LAMC2: variants seen among roughly 807,000 people sequenced by gnomAD.
The protein encoded by LAMC2 is laminin subunit gamma-2.
A neutral mutation model predicts 140.2 loss-of-function variants in LAMC2; 97 were observed. The ratio of observed to expected loss-of-function variants is 0.69; its 90% CI spans 0.59 to 0.82. The LOEUF (loss-of-function observed/expected upper bound fraction) is 0.82. Ranked by LOEUF, LAMC2 falls within the 40% of genes least tolerant of loss-of-function variation. The pLI is 0.00. For synonymous variants in LAMC2, 513 were observed against 540.2 expected (o/e 0.95, Z 0.70); for missense variants, 1,402 against 1,476.1 (o/e 0.95, Z 0.82).
chr1:183,211,196 C>T (rs1659058015), intron 2 of LAMC2, among the ~76,000 whole-genome samples: 1 of 152,220 alleles, frequency 6.6e-6, no homozygotes, highest in Non-Finnish European at 1.5e-5. Context: ...AGCAACAGGG[C>T]TGAGTTACCT....
chr1:183,219,890 G>A (rs549334764), intron 4 of LAMC2, among the ~76,000 whole-genome samples: 47 of 152,244 alleles, frequency 3.1e-4, no homozygotes, highest in Admixed American at 5.2e-4. Context: ...TCTTGCCTCA[G>A]CCATGTACCT....
Position 183,237,450 on chromosome 1 carries a change from A to G in LAMC2, c.2700A>G (p.Gly900=). Residue 900 remains glycine (G), a synonymous_variant, in exon 18 of 23, where the codon GGA becomes GGG. Coordinates refer to ENST00000264144, the MANE Select transcript of LAMC2 (RefSeq NM_005562.3). The stretch of plus-strand genomic sequence containing the variant: ...TCAAGCGTACACAGAAGAATCTGGG[A>G]AACTGGAAAGAAGAAGCACAGCAGC... ...DEFKRTQKNL[G]NWKEEAQQLL... 2.5e-6 allele frequency: 4 copies of G among 1,614,222 alleles called. No homozygotes were observed. Among genetic ancestry groups the G allele is most frequent in the Non-Finnish European group, 3.4e-6 (4 of 1,180,018 alleles).
chr1:183,193,764 G>T (rs1658421198), intron 1 of LAMC2, among the ~76,000 whole-genome samples: 1 of 150,728 alleles, frequency 6.6e-6, no homozygotes, highest in African/African-American at 2.4e-5. Flanking sequence ...ACCTGGCATA[G>T]GAAGTAGTAG....
At chr1:183,190,299 A>G (rs1658290205) in intron 1 of LAMC2, among the ~76,000 whole-genome samples, 1 of 152,166 alleles carries the variant, frequency 6.6e-6, no homozygotes, top group Non-Finnish European at 1.5e-5. Context: ...TGAATTTGGT[A>G]TATTGCTTTC....
rs1354088825 is a variant in LAMC2, at chr1:183,239,486, G to A, written c.2992G>A (p.Gly998Arg). ...GACCCAGCAAGCAGAAAGAGCCCTG[G>A]GGAGCGCTGCTGCTGATGCACAGAG... is the stretch of plus-strand genomic sequence containing the variant. The part of the protein sequence containing the change: ...DKTQQAERAL[G>R]SAAADAQRAK... Residue 998 changes from glycine to arginine, a missense_variant, in exon 20 of 23, where the codon GGG (glycine) becomes AGG (arginine). Physicochemically the swap from Gly to Arg is moderately radical, Grantham distance 125. This residue lies in a region of LAMC2 where 670 missense variants were observed against 667.2 expected (regional missense o/e 1.00). Coordinates refer to ENST00000264144, the MANE Select transcript of LAMC2 (RefSeq NM_005562.3). 3.7e-6 allele frequency: 6 copies of A among 1,613,920 alleles called. No individual in the cohort carries two copies. The African/African-American group carries it at 4.0e-5, about 11-fold the overall frequency.
intron 19 of LAMC2, 121 bp downstream of exon 19, chr1:183,238,542 G>C: frequency 1.5e-6 from 1 of 685,646 alleles, no homozygotes; most frequent in Non-Finnish European, 2.6e-6. Context: ...TAGATCCTTA[G>C]TAAATATCTT....
At position 183,216,310 on chromosome 1, in the gene LAMC2, T is replaced by C. The variant is rs625597; in HGVS notation, c.404+722T>C. Among the ~76,000 whole-genome samples, 394 of 152,344 alleles carry C rather than the reference T, an allele frequency of 2.6e-3. 1 individual carries two copies. Among genetic ancestry groups the C allele is most frequent in the Non-Finnish European group, 4.7e-3 (322 of 68,028 alleles). ...GCATTTGTTCTGGTCCGGCCTTCCCTGACCCTTTCAGATGGTCTTCAGAGA... is the reference window on the plus strand; with the variant it reads ...GCATTTGTTCTGGTCCGGCCTTCCCCGACCCTTTCAGATGGTCTTCAGAGA... On this transcript the variant is annotated intron_variant, in intron 3 of 22. Coordinates refer to ENST00000264144, the MANE Select transcript of LAMC2 (RefSeq NM_005562.3).
chr1:183,186,302 C>G lies in LAMC2; in HGVS notation c.-51C>G, dbSNP rs930452350. On this transcript the variant is annotated 5_prime_UTR_variant, in exon 1 of 23. Transcript: ENST00000264144. ...GAGTGAGAACCACCAACCGAGGCGC[C>G]GGGCAGCGACCCCTGCAGCGGAGAC... The G allele has an allele frequency of 3.9e-6, 6 of 1,548,574 alleles. No homozygotes were observed. The highest frequency in any genetic ancestry group is 2.3e-5 in the East Asian group (1 of 42,898).
At chr1:183,201,440 C>A (rs968439431) in intron 1 of LAMC2, among the ~76,000 whole-genome samples, 5 of 152,154 alleles carry the variant, frequency 3.3e-5, no homozygotes, top group Non-Finnish European at 7.3e-5. Flanking sequence ...CTTGCTCTTT[C>A]CTTTGTCAGG....
In LAMC2 at chr1:183,215,436, T is replaced by C. The variant is rs368269117; in HGVS notation, c.269-17T>C. ...TTTCTTCTTCTTCTTTCCTTTCCCC[T>C]ACCTTGTGGGTTTCAGGTTCTCTTA... is the stretch of plus-strand genomic sequence containing the variant. On this transcript the variant is annotated splice_polypyrimidine_tract_variant and intron_variant, in intron 2 of 22. Transcript: ENST00000264144. 1.1e-5 allele frequency: 18 copies of C among 1,613,962 alleles called. No homozygotes were observed. In the Admixed American group the frequency reaches 1.2e-4, roughly 10 times the overall value.
intron 1 of LAMC2, among the ~76,000 whole-genome samples, chr1:183,197,822 T>C (rs942288033): frequency 2.0e-5 from 3 of 152,206 alleles, no homozygotes; most frequent in Admixed American, 6.5e-5. Flanking sequence ...GAAGTCCTTG[T>C]CATGGATGAG....
In LAMC2 at chr1:183,240,308, A is replaced by G; in HGVS notation, c.3245A>G (p.Gln1082Arg). 6.2e-7 allele frequency: 1 copy of G among 1,614,240 alleles called. No individual in the cohort carries two copies. Among genetic ancestry groups the G allele is most frequent in the Non-Finnish European group, 8.5e-7 (1 of 1,180,030 alleles). Residue 1082 changes from glutamine to arginine, a missense_variant, in exon 22 of 23, where the codon CAG (glutamine) becomes CGG (arginine). By Grantham distance (43) the Gln-to-Arg change is conservative. This residue lies in a region of LAMC2 where 670 missense variants were observed against 667.2 expected (regional missense o/e 1.00). Transcript: ENST00000264144. ...DAVQMVITEA[Q>R]KVDTRAKNAG... ...TGTCCTCAGGTGATTACAGAAGCCCAGAAGGTTGATACCAGAGCCAAGAAC... is the reference window on the plus strand; with the variant it reads ...TGTCCTCAGGTGATTACAGAAGCCCGGAAGGTTGATACCAGAGCCAAGAAC...
At position 183,236,415 on chromosome 1, in the gene LAMC2, A is replaced by G. The variant is rs1199410238; in HGVS notation, c.2457-45A>G. 4 of 1,550,504 alleles carry G rather than the reference A, an allele frequency of 2.6e-6. No homozygotes were observed. The Admixed American group carries it at 5.6e-5, about 22-fold the overall frequency. ...AAAAAAAAAAAAAAAAAGAATTCTC[A>G]AAGTCCTCTTTTTATTACCGCCCCC... On this transcript the variant is annotated intron_variant, in intron 16 of 22. Coordinates refer to ENST00000264144, the MANE Select transcript of LAMC2 (RefSeq NM_005562.3).
chr1:183,203,685 A>G (rs867874634), intron 1 of LAMC2, among the ~76,000 whole-genome samples: 1 of 152,032 alleles, frequency 6.6e-6, no homozygotes, highest in African/African-American at 2.4e-5. Flanking sequence ...GTTAAGTGCA[A>G]TATAGCTGGG....
chr1:183,243,096 G>A, intron 22 of LAMC2, 51 bp from the exon 23 acceptor site: 1 of 1,610,410 alleles, frequency 6.2e-7, no homozygotes, highest in Non-Finnish European at 8.5e-7. Flanking sequence ...TGTTCAAGGA[G>A]ATCTAACTAC....
chr1:183,211,524 G>C (rs1032143761), intron 2 of LAMC2, among the ~76,000 whole-genome samples: 1 of 152,076 alleles, frequency 6.6e-6, no homozygotes, highest in Non-Finnish European at 1.5e-5. Context: ...TGTTGTTGTT[G>C]TTTTGAGACA....
chr1:183,258,727 G>A, the LAMC2 span, among the ~76,000 whole-genome samples: 1 of 151,988 alleles, frequency 6.6e-6, no homozygotes, highest in Non-Finnish European at 1.5e-5. Context: ...TGTAGACCCT[G>A]CACTTGATGG....
chr1:183,213,818 C>T (rs958677862), intron 2 of LAMC2, among the ~76,000 whole-genome samples: 4 of 149,644 alleles, frequency 2.7e-5, no homozygotes, highest in Admixed American at 2.7e-4. Context: ...GTAATCCCAG[C>T]ACTTTGGGAG....
rs538869451 is a variant in LAMC2, at chr1:183,239,805, C to T, written c.3070-235C>T. The T allele has an allele frequency of 7.8e-4, 502 of 643,156 alleles. 6 individuals carry two copies. The highest frequency in any genetic ancestry group is 4.2e-3 in the Middle Eastern group (10 of 2,356). The allele number at this position is 643,156 out of a possible 1,614,324, so 39.8% of individuals were successfully genotyped here. On this transcript the variant is annotated intron_variant, in intron 20 of 22. Transcript: ENST00000264144. The stretch of plus-strand genomic sequence containing the variant: ...TGTTCAACATTTGGTGAGCATTGAA[C>T]TGAGAGAGAAGCACTGTCTGGCCGC...
Sources: gnomAD v4.1 joint callset for allele counts (sites outside exome capture counted in the v4.1 genomes callset) on GRCh38, gnomAD v4.1.1 for gene constraint, gnomAD v4.1.1 regional missense constraint, MANE v1.5 for transcripts, NCBI Gene and HGNC (gene_info 2026-07-23, HGNC 2026-07-21) for gene names.